WASHC5: variants seen among roughly 807,000 people sequenced by gnomAD.
The protein encoded by WASHC5 is WASH complex subunit 5, also known as WASH complex subunit strumpellin.
In WASHC5, 101 loss-of-function variants were observed where a neutral mutation model predicts 150.4. That is an observed-to-expected ratio of 0.67 (90% CI 0.57 to 0.79). The LOEUF (loss-of-function observed/expected upper bound fraction) is 0.79, where lower values mean the gene tolerates loss of function less well. Ranked by LOEUF, WASHC5 falls within the 30% of genes least tolerant of loss-of-function variation. WASHC5 has a pLI of 0.00. For missense variants in WASHC5, 1,195 were observed against 1,396.3 expected, an observed-to-expected ratio of 0.86 and a Z score of 2.30; for synonymous variants, 467 against 491.2, an observed-to-expected ratio of 0.95 and a Z score of 0.65.
chr8:125,082,253 G>T, intron 4 of WASHC5, 130 bp downstream of exon 4: 1 of 650,524 alleles, frequency 1.5e-6, no homozygotes, highest in Non-Finnish European at 2.8e-6. Flanking sequence ...CCAGTTAGAA[G>T]ATAATTAAAA....
At chr8:125,062,828 T>A (rs1382450688) in intron 11 of WASHC5, among the ~76,000 whole-genome samples, 1 of 152,136 alleles carries the variant, frequency 6.6e-6, no homozygotes, top group African/African-American at 2.4e-5. Context: ...GTTAAAAAAA[T>A]AGTTTGTCAC....
chr8:125,056,353 C>A (rs561090689), intron 16 of WASHC5, among the ~76,000 whole-genome samples: 2 of 152,218 alleles, frequency 1.3e-5, no homozygotes, highest in African/African-American at 4.8e-5. Context: ...CAAAAAGGAA[C>A]ATGAATATGA....
intron 16 of WASHC5, 113 bp downstream of exon 16, chr8:125,056,564 C>G (rs1043389514): frequency 7.4e-6 from 9 of 1,211,844 alleles, no homozygotes; most frequent in Admixed American, 1.7e-5. Flanking sequence ...TGTGAGACAA[C>G]AAGTCAGAAT....
intron 28 of WASHC5, among the ~76,000 whole-genome samples, chr8:125,027,047 TTC>T (rs745371821): frequency 3.9e-5 from 6 of 152,196 alleles, no homozygotes; most frequent in Non-Finnish European, 7.3e-5. Flanking sequence ...TAATAAAGTG[TTC>T]TTTCATATTT....
At chr8:125,076,722 G>T (rs1181549010) in intron 6 of WASHC5, among the ~76,000 whole-genome samples, 1 of 136,764 alleles carries the variant, frequency 7.3e-6, no homozygotes, top group South Asian at 2.4e-4. Flanking sequence ...GCCCTTGACC[G>T]CTGCAATTCT....
chr8:125,038,795 C>T (rs1176964707), intron 25 of WASHC5, 35 bp downstream of exon 25: 3 of 1,611,856 alleles, frequency 1.9e-6, no homozygotes, highest in Non-Finnish European at 2.5e-6. Flanking sequence ...CATTCTGTAC[C>T]CCCATCCCCG....
intron 12 of WASHC5, among the ~76,000 whole-genome samples, 199 bp from the exon 13 acceptor site, chr8:125,059,741 T>C (rs1381735488): frequency 2.0e-5 from 3 of 152,252 alleles, no homozygotes; most frequent in South Asian, 4.1e-4. Context: ...AATGTTCCGC[T>C]GCTTATTGTG....
chr8:125,077,387 T>C (rs760132756), intron 6 of WASHC5, among the ~76,000 whole-genome samples: 2 of 152,212 alleles, frequency 1.3e-5, no homozygotes, highest in Non-Finnish European at 2.9e-5. Flanking sequence ...CAATTTTGCA[T>C]GTTGTGGATA....
Position 125,055,631 on chromosome 8 carries a change from C to T in WASHC5, c.2057G>A (p.Gly686Asp), listed in dbSNP as rs1332254795. Residue 686 changes from glycine (G) to aspartate (D), a missense_variant, in exon 17 of 29, where the codon GGC (glycine) becomes GAC (aspartate). Transcript: ENST00000318410. Reference protein sequence around the residue: ...LTHAISIFTEGILMMKTTLVG... With the variant: ...LTHAISIFTEDILMMKTTLVG... ...CAAAGTCGTTTTCATCATTAAGATG[C>T]CTTCAGTAAAAATGGAAATAGCATG... The T allele has an allele frequency of 1.2e-6, 2 of 1,613,100 alleles. No homozygotes were observed. Among genetic ancestry groups the T allele is most frequent in the South Asian group, 2.2e-5 (2 of 91,058 alleles).
chr8:125,078,822 C>A lies in WASHC5; in HGVS notation c.627G>T (p.Glu209Asp). ...TGATAGGCACTCTCTGGAAATAGCT[C>A]TCGGGATAGTTGGATGGTCTTTTGG... ...PGAKRPSNYP[E>D]SYFQRVPINE... Residue 209 changes from glutamate (E) to aspartate (D), a missense_variant, in exon 6 of 29, where the codon GAG (glutamate) becomes GAT (aspartate). Glu to Asp is a conservative substitution (Grantham distance 45). Coordinates refer to ENST00000318410, the MANE Select transcript of WASHC5 (RefSeq NM_014846.4). 1 of 1,613,944 alleles carries A rather than the reference C, an allele frequency of 6.2e-7. No individual in the cohort carries two copies. Among genetic ancestry groups the A allele is most frequent in the Non-Finnish European group, 8.5e-7 (1 of 1,179,904 alleles).
At chr8:125,057,117 C>A (rs909417053) in intron 15 of WASHC5, among the ~76,000 whole-genome samples, 2 of 152,112 alleles carry the variant, frequency 1.3e-5, no homozygotes, top group Admixed American at 1.3e-4. Context: ...GGCTAGAATG[C>A]GACACCAGTA....
chr8:125,050,019 A>G (rs1210503238), intron 18 of WASHC5, among the ~76,000 whole-genome samples: 1 of 144,318 alleles, frequency 6.9e-6, no homozygotes, highest in Non-Finnish European at 1.5e-5. Context: ...TAAAGAAATA[A>G]AAAAAAAGAA....
At chr8:125,035,105 C>A (rs1815660618) in intron 26 of WASHC5, among the ~76,000 whole-genome samples, 1 of 152,154 alleles carries the variant, frequency 6.6e-6, no homozygotes, top group South Asian at 2.1e-4. Context: ...CAACTGAATA[C>A]CCACAAAGAT....
At chr8:125,030,610 C>A (rs971158591) in intron 27 of WASHC5, among the ~76,000 whole-genome samples, 3 of 141,818 alleles carry the variant, frequency 2.1e-5, no homozygotes, top group Admixed American at 7.3e-5. Flanking sequence ...TGCACTCCAA[C>A]CTGGGCGACA....
intron 17 of WASHC5, among the ~76,000 whole-genome samples, chr8:125,052,773 A>G (rs79355910): frequency 0.028 from 4,256 of 152,248 alleles, 206 homozygotes; most frequent in African/African-American, 0.098. Context: ...CCATTCCCCT[A>G]CTGATGATGG....
intron 24 of WASHC5, 43 bp from the exon 25 acceptor site, chr8:125,039,002 T>C (rs754337388): frequency 3.8e-6 from 6 of 1,598,058 alleles, no homozygotes; most frequent in East Asian, 2.2e-5. Flanking sequence ...AGTGAGTAAA[T>C]GAATTTATAC....
intron 16 of WASHC5, 92 bp downstream of exon 16, chr8:125,056,585 G>GT: frequency 6.9e-7 from 1 of 1,447,848 alleles, no homozygotes; most frequent in Non-Finnish European, 9.7e-7. Flanking sequence ...TGGTCTGGTG[G>GT]TCCCCAGAAT....
chr8:125,076,707 T>C (rs1258209813), intron 6 of WASHC5, among the ~76,000 whole-genome samples: 2 of 147,498 alleles, frequency 1.4e-5, no homozygotes, highest in East Asian at 2.0e-4. Context: ...TATTCTCTTC[T>C]TCCAGCCCTT....
intron 23 of WASHC5, 139 bp downstream of exon 23, chr8:125,043,686 G>T: frequency 1.5e-6 from 1 of 681,648 alleles, no homozygotes. Context: ...ATTTTAAAAT[G>T]ATAAACTGAA....
Sources: gnomAD v4.1 joint callset for allele counts (sites outside exome capture counted in the v4.1 genomes callset) on GRCh38, gnomAD v4.1.1 for gene constraint, MANE v1.5 for transcripts, NCBI Gene and HGNC (gene_info 2026-07-23, HGNC 2026-07-21) for gene names.